The following COL25A1 variants were observed in gnomAD, a reference collection of about 807,000 sequenced individuals.
COL25A1 encodes the protein collagen alpha-1(XXV) chain.
In COL25A1, 103 loss-of-function variants were observed where a neutral mutation model predicts 128.4. The ratio of observed to expected loss-of-function variants is 0.80; its 90% CI spans 0.68 to 0.94. The LOEUF (loss-of-function observed/expected upper bound fraction) is 0.94. Ranked by LOEUF, COL25A1 falls within the 40% of genes least tolerant of loss-of-function variation. COL25A1 has a pLI of 0.00. For missense variants in COL25A1, 745 were observed against 840.0 expected (o/e 0.89, Z 1.40); for synonymous variants, 279 against 277.2 (o/e 1.01, Z -0.06).
intron 3 of COL25A1, among the ~76,000 whole-genome samples, chr4:109,123,306 T>TAA (rs199866850): frequency 4.8e-5 from 7 of 147,078 alleles, no homozygotes; most frequent in Non-Finnish European, 1.1e-4. Context: ...AGTGACTGCC[T>TAA]AAAAAAAAAA....
intron 3 of COL25A1, among the ~76,000 whole-genome samples, chr4:109,277,638 A>G (rs1338664913): frequency 6.6e-6 from 1 of 152,232 alleles, no homozygotes; most frequent in Non-Finnish European, 1.5e-5. Flanking sequence ...ATACCAACAC[A>G]TAAATCACAG....
intron 20 of COL25A1, among the ~76,000 whole-genome samples, chr4:108,864,303 T>G (rs1462017924): frequency 6.6e-6 from 1 of 152,202 alleles, no homozygotes; most frequent in Non-Finnish European, 1.5e-5. Flanking sequence ...TTTTAAGCAC[T>G]GCTGGCAAGA....
chr4:109,043,465 T>C (rs541696837), intron 5 of COL25A1, among the ~76,000 whole-genome samples: 1 of 152,166 alleles, frequency 6.6e-6, no homozygotes, highest in East Asian at 1.9e-4. Context: ...CAGAGCAGGC[T>C]GCACAACAGA....
intron 3 of COL25A1, among the ~76,000 whole-genome samples, chr4:109,256,085 GGTGT>G (rs60794002): frequency 0.037 from 5,278 of 143,302 alleles, 262 homozygotes; most frequent in African/African-American, 0.11. Flanking sequence ...TTTAAGCATT[GGTGT>G]GTGTGTGTGT....
At chr4:108,889,652 A>G (rs763208630) in intron 17 of COL25A1, 49 bp downstream of exon 17, 3 of 1,561,994 alleles carry the variant, frequency 1.9e-6, no homozygotes, top group Non-Finnish European at 1.8e-6. Flanking sequence ...GCCTATAAAA[A>G]TCAGAACTGT....
intron 5 of COL25A1, among the ~76,000 whole-genome samples, chr4:109,040,288 G>A (rs1759760758): frequency 6.6e-6 from 1 of 152,074 alleles, no homozygotes; most frequent in African/African-American, 2.4e-5. Context: ...CCAGCGTCAT[G>A]GTGTCCACAT....
At chr4:108,968,170 A>G (rs1385123171) in intron 8 of COL25A1, among the ~76,000 whole-genome samples, 1 of 152,206 alleles carries the variant, frequency 6.6e-6, no homozygotes, top group African/African-American at 2.4e-5. Flanking sequence ...AAACCAAATG[A>G]TATTTGTGGT....
At chr4:108,928,550 T>G (rs28565902) in intron 11 of COL25A1, among the ~76,000 whole-genome samples, 1 of 114,578 alleles carries the variant, frequency 8.7e-6, no homozygotes, top group African/African-American at 3.2e-5. Flanking sequence ...ATTTATTTAT[T>G]TATTTCTACA....
intron 3 of COL25A1, among the ~76,000 whole-genome samples, chr4:109,076,542 C>T (rs548698814): frequency 6.6e-6 from 1 of 152,210 alleles, no homozygotes; most frequent in African/African-American, 2.4e-5. Context: ...GCAGTGGTCC[C>T]AACCTTTTTG....
At chr4:109,209,917 G>A (rs1212977990) in intron 3 of COL25A1, among the ~76,000 whole-genome samples, 1 of 151,956 alleles carries the variant, frequency 6.6e-6, no homozygotes, top group African/African-American at 2.4e-5. Flanking sequence ...CAGGCGTAAT[G>A]GTGGACACCT....
intron 16 of COL25A1, among the ~76,000 whole-genome samples, chr4:108,892,576 A>G (rs1741639263): frequency 6.6e-6 from 1 of 152,242 alleles, no homozygotes; most frequent in South Asian, 2.1e-4. Flanking sequence ...CCTGCATTAC[A>G]ATGATCATTT....
chr4:109,119,805 C>T (rs1767952176), intron 3 of COL25A1, among the ~76,000 whole-genome samples: 1 of 152,004 alleles, frequency 6.6e-6, no homozygotes, highest in Non-Finnish European at 1.5e-5. Context: ...TATCCTAACA[C>T]CAAAACCAGT....
chr4:108,947,544 C>T (rs1748919127), intron 8 of COL25A1, among the ~76,000 whole-genome samples: 1 of 152,038 alleles, frequency 6.6e-6, no homozygotes, highest in African/African-American at 2.4e-5. Flanking sequence ...GTAGAGAAGG[C>T]AGACCCTTCA....
chr4:108,850,192 C>A (rs1018481898), intron 26 of COL25A1, among the ~76,000 whole-genome samples: 2 of 152,100 alleles, frequency 1.3e-5, no homozygotes, highest in Admixed American at 1.3e-4. Flanking sequence ...TTATCCTTCA[C>A]CCCTCAAATG....
intron 13 of COL25A1, among the ~76,000 whole-genome samples, chr4:108,909,845 C>T (rs1406592050): frequency 6.6e-6 from 1 of 152,192 alleles, no homozygotes; most frequent in Non-Finnish European, 1.5e-5. Context: ...TCTTCCCATC[C>T]TCTTTGTCTC....
At chr4:109,207,551 A>T (rs1044824431) in intron 3 of COL25A1, among the ~76,000 whole-genome samples, 9 of 152,080 alleles carry the variant, frequency 5.9e-5, no homozygotes. Flanking sequence ...TCAAAATACT[A>T]ATTTTCTAGT....
chr4:109,114,842 C>G (rs1767378572), intron 3 of COL25A1, among the ~76,000 whole-genome samples: 1 of 151,978 alleles, frequency 6.6e-6, no homozygotes, highest in East Asian at 1.9e-4. Context: ...TAATCAGGAC[C>G]ACCCAACTTT....
At chr4:109,282,219 GT>G (rs1723446649) in intron 3 of COL25A1, among the ~76,000 whole-genome samples, 1 of 152,100 alleles carries the variant, frequency 6.6e-6, no homozygotes, top group African/African-American at 2.4e-5. Context: ...AAAAAACACA[GT>G]AAAATGTTGA....
At chr4:109,243,126 T>C (rs1038230230) in intron 3 of COL25A1, among the ~76,000 whole-genome samples, 16 of 152,258 alleles carry the variant, frequency 1.1e-4, no homozygotes, top group African/African-American at 3.8e-4. Context: ...AAACTTTCGT[T>C]TCTTAATATT....
Sources: allele counts gnomAD v4.1 joint callset (sites outside exome capture counted in the v4.1 genomes callset), GRCh38; gene constraint gnomAD v4.1.1; transcripts MANE v1.5; gene names NCBI Gene and HGNC (gene_info 2026-07-23, HGNC 2026-07-21).